RYR2: variants seen among roughly 807,000 people sequenced by gnomAD.
RYR2 encodes ryanodine receptor 2.
Under a neutral mutation model 601.1 loss-of-function variants are expected in RYR2, and 227 were observed. The observed-to-expected ratio is 0.38, with a 90% CI of 0.34 to 0.42. RYR2 has a LOEUF of 0.42. Ranked by LOEUF, RYR2 falls within the 10% of genes least tolerant of loss-of-function variation. The probability of loss-of-function intolerance (pLI) is 1.00; values close to 1 mark genes in which losing one functional copy is unlikely to be tolerated. For missense variants in RYR2, 4,646 were observed against 6,156.5 expected, an observed-to-expected ratio of 0.75 and a Z score of 8.21; for synonymous variants, 2,223 against 2,175.1, an observed-to-expected ratio of 1.02 and a Z score of -0.61.
At chr1:237,603,971 T>C (rs1676809015) in intron 35 of RYR2, among the ~76,000 whole-genome samples, 1 of 152,136 alleles carries the variant, frequency 6.6e-6, no homozygotes, top group African/African-American at 2.4e-5. Context: ...ACAATAATAA[T>C]GGGAGACTTT....
chr1:237,714,670 G>A (rs1414666277), intron 71 of RYR2, among the ~76,000 whole-genome samples: 2 of 152,198 alleles, frequency 1.3e-5, no homozygotes, highest in East Asian at 3.9e-4. Context: ...GGCAGAAGCA[G>A]AGGTTGATTG....
chr1:237,488,544 TG>T (rs1424594152), intron 17 of RYR2, among the ~76,000 whole-genome samples: 10 of 152,194 alleles, frequency 6.6e-5, no homozygotes, highest in Non-Finnish European at 1.2e-4. Flanking sequence ...GCCCAAAGGC[TG>T]GATGTACACT....
chr1:237,494,600 A>G (rs1466809001), intron 19 of RYR2, among the ~76,000 whole-genome samples: 1 of 152,180 alleles, frequency 6.6e-6, no homozygotes, highest in Non-Finnish European at 1.5e-5. Context: ...AATCAAGTTG[A>G]CACTCAGTAT....
At chr1:237,275,687 G>A (rs774907613) in intron 2 of RYR2, among the ~76,000 whole-genome samples, 5 of 151,968 alleles carry the variant, frequency 3.3e-5, no homozygotes, top group South Asian at 2.1e-4. Flanking sequence ...TAATCAATAA[G>A]GTTGACCTTA....
chr1:237,589,907 C>A lies in RYR2; in HGVS notation c.3713C>A (p.Pro1238Gln). The A allele has an allele frequency of 6.2e-7, 1 of 1,613,898 alleles. No individual in the cohort carries two copies. Among genetic ancestry groups the A allele is most frequent in the Non-Finnish European group, 8.5e-7 (1 of 1,179,854 alleles). ...TICGLQEGYEPFAVNTNRDIT... is the reference protein window; with the variant it reads ...TICGLQEGYEQFAVNTNRDIT... ...TGTGGCTTACAAGAGGGCTATGAACCATTTGCCGTTAATACAAACAGGGAT... is the reference window on the plus strand; with the variant it reads ...TGTGGCTTACAAGAGGGCTATGAACAATTTGCCGTTAATACAAACAGGGAT... The change falls in exon 30 of 105, where the codon CCA becomes CAA. Residue 1238 changes from proline to glutamine, a missense_variant. This residue lies in a region of RYR2 where 1,807 missense variants were observed against 2,088.1 expected (regional missense o/e 0.87). Transcript: ENST00000366574.
At chr1:237,447,262 T>G (rs111861378) in intron 14 of RYR2, among the ~76,000 whole-genome samples, 1 of 152,206 alleles carries the variant, frequency 6.6e-6, no homozygotes, top group Admixed American at 6.5e-5. Context: ...ATAGACATAA[T>G]GTAGTGCTAG....
chr1:237,189,873 ATTT>A (rs1553336323), intron 1 of RYR2, among the ~76,000 whole-genome samples: 1 of 104,142 alleles, frequency 9.6e-6, no homozygotes, highest in South Asian at 2.9e-4. Context: ...TTTTATTTTT[ATTT>A]TTATTTTTTT....
chr1:237,450,501 G>A (rs4659796), intron 14 of RYR2, among the ~76,000 whole-genome samples: 68,427 of 151,012 alleles, frequency 0.45, 16,390 homozygotes, highest in East Asian at 0.57. Flanking sequence ...GAAAGTTTTC[G>A]TGTTTGTTTG....
chr1:237,658,084 AT>A, intron 54 of RYR2, 62 bp downstream of exon 54: 1 of 927,004 alleles, frequency 1.1e-6, no homozygotes, highest in Middle Eastern at 2.3e-4. Context: ...CTGTTCAAAT[AT>A]TTCTGACCAT....
intron 66 of RYR2, among the ~76,000 whole-genome samples, chr1:237,703,832 T>G (rs1688154768): frequency 6.6e-6 from 1 of 151,946 alleles, no homozygotes; most frequent in African/African-American, 2.4e-5. Context: ...CTTCCAGTTC[T>G]TTATATTTAA....
In RYR2 at chr1:237,377,035, G is replaced by A. The variant is rs998208217; in HGVS notation, c.464-288G>A. Among the ~76,000 whole-genome samples the A allele has an allele frequency of 3.9e-4, 60 of 152,318 alleles. No individual in the cohort carries two copies. In the Middle Eastern group the frequency reaches 0.01, roughly 26 times the overall value. ...GTGTAAAGAATGAAATCAGATCAGTGTGAGTGGTGAATTTAGCCTTAGATG... is the reference window on the plus strand; with the variant it reads ...GTGTAAAGAATGAAATCAGATCAGTATGAGTGGTGAATTTAGCCTTAGATG... On this transcript the variant is annotated intron_variant, in intron 7 of 104. Coordinates refer to ENST00000366574, the MANE Select transcript of RYR2 (RefSeq NM_001035.3).
chr1:237,792,741 A>T (rs910961488), intron 94 of RYR2, among the ~76,000 whole-genome samples: 1 of 152,208 alleles, frequency 6.6e-6, no homozygotes, highest in African/African-American at 2.4e-5. Context: ...TTATTCACAT[A>T]GAGAATTTCG....
At chr1:237,073,587 T>C (rs935315931) in intron 1 of RYR2, among the ~76,000 whole-genome samples, 1 of 152,102 alleles carries the variant, frequency 6.6e-6, no homozygotes, top group African/African-American at 2.4e-5. Context: ...TAATAATGCT[T>C]CAGGGTGGGC....
chr1:237,071,246 G>A (rs1274834776), intron 1 of RYR2, among the ~76,000 whole-genome samples: 12 of 151,370 alleles, frequency 7.9e-5, no homozygotes, highest in Non-Finnish European at 2.9e-5. Context: ...TTTTTGAGAC[G>A]AAGTCTTGCT....
chr1:237,660,280 C>A (rs1683653496), intron 55 of RYR2, among the ~76,000 whole-genome samples: 1 of 149,124 alleles, frequency 6.7e-6, no homozygotes, highest in Admixed American at 6.7e-5. Flanking sequence ...TGTGTTTATT[C>A]TCTTCTCTCC....
At chr1:237,318,960 T>C (rs1695360990) in intron 2 of RYR2, among the ~76,000 whole-genome samples, 1 of 152,188 alleles carries the variant, frequency 6.6e-6, no homozygotes, top group African/African-American at 2.4e-5. Context: ...ATTGATGTAC[T>C]TGACGTTATT....
intron 1 of RYR2, among the ~76,000 whole-genome samples, chr1:237,054,488 C>T (rs1482264481): frequency 1.3e-5 from 2 of 152,076 alleles, no homozygotes; most frequent in African/African-American, 4.8e-5. Flanking sequence ...TTGTGGAAAA[C>T]TGATAGTAAT....
chr1:237,185,105 G>A (rs1106158), intron 1 of RYR2, among the ~76,000 whole-genome samples: 29,883 of 151,748 alleles, frequency 0.2, 5,040 homozygotes, highest in African/African-American at 0.46. Context: ...GACTCAAGCA[G>A]TTCTCCCACC....
At position 237,674,121 on chromosome 1, in the gene RYR2, G is replaced by A. The variant is rs1553277228; in HGVS notation, c.8616G>A (p.Val2872=). Residue 2872 remains valine, a synonymous_variant, in exon 59 of 105, where the codon GTG becomes GTA. Transcript: ENST00000366574. ...GAGGAGGAAACCATCCTCTGCTGGT[G>A]CCCTATGATACACTGACAGCCAAAG... ...SKGGGNHPLL[V]PYDTLTAKEK... is the part of the protein sequence containing the mutation. 6.2e-7 allele frequency: 1 copy of A among 1,611,662 alleles called. No homozygotes were observed. The highest frequency in any genetic ancestry group is 8.5e-7 in the Non-Finnish European group (1 of 1,177,916).
Sources: allele counts gnomAD v4.1 joint callset (sites outside exome capture counted in the v4.1 genomes callset), GRCh38; gene constraint gnomAD v4.1.1; regional missense constraint gnomAD v4.1.1; transcripts MANE v1.5; gene names NCBI Gene and HGNC (gene_info 2026-07-23, HGNC 2026-07-21).